The following KIF13A variants were observed in gnomAD, a reference collection of about 807,000 sequenced individuals.
The protein encoded by KIF13A is kinesin-like protein KIF13A.
In KIF13A, 79 loss-of-function variants were observed where a neutral mutation model predicts 212.2. That is an observed-to-expected ratio of 0.37 (90% CI 0.31 to 0.45). The LOEUF (loss-of-function observed/expected upper bound fraction) is 0.45, where lower values mean the gene tolerates loss of function less well. Ranked by LOEUF, KIF13A falls within the 20% of genes least tolerant of loss-of-function variation. The pLI, the probability that KIF13A is intolerant of heterozygous loss-of-function variation, is 1.00. For missense variants in KIF13A, 1,901 were observed against 2,209.0 expected, an observed-to-expected ratio of 0.86 and a Z score of 2.79; for synonymous variants, 789 against 808.6, an observed-to-expected ratio of 0.98 and a Z score of 0.41.
intron 19 of KIF13A, 121 bp downstream of exon 19, chr6:17,805,354 A>G: frequency 2.3e-6 from 2 of 863,792 alleles, no homozygotes. Context: ...TATCTAACGT[A>G]TCATGAGCAC....
chr6:17,923,273 CCTAA>C (rs1450219133), intron 2 of KIF13A, among the ~76,000 whole-genome samples: 5 of 80,530 alleles, frequency 6.2e-5, no homozygotes, highest in South Asian at 5.1e-4. Context: ...AAACACTGTC[CCTAA>C]ATAAATAAAT....
intron 25 of KIF13A, among the ~76,000 whole-genome samples, chr6:17,791,369 C>CTTTT (rs757391141): frequency 1.8e-4 from 24 of 135,758 alleles, no homozygotes; most frequent in African/African-American, 5.9e-4. Flanking sequence ...GAGAATAATT[C>CTTTT]TTTTTTTTTT....
Position 17,777,097 on chromosome 6 carries a change from G to A in KIF13A, c.4170+180C>T, listed in dbSNP as rs1053788133. Among the ~76,000 whole-genome samples, 4 of 152,144 alleles carry A rather than the reference G, an allele frequency of 2.6e-5. No individual in the cohort carries two copies. Among genetic ancestry groups the A allele is most frequent in the African/African-American group, 9.7e-5 (4 of 41,420 alleles). ...AGGAATTCATAAGATTGAACAAATG[G>A]CTCAGTCTTAGACAACTGTGCTGCC... On this transcript the variant is annotated intron_variant, in intron 34 of 38. Transcript: ENST00000259711. The surrounding 1 kb of genome is among the most constrained non-coding windows in gnomAD (Gnocchi z 4.4).
rs1441712233 is a variant in KIF13A, at chr6:17,769,389, C to G, written c.4581+1725G>C. Among the ~76,000 whole-genome samples the G allele has an allele frequency of 6.6e-6, 1 of 152,126 alleles. No individual in the cohort carries two copies. The highest frequency in any genetic ancestry group is 1.9e-4 in the East Asian group (1 of 5,188). ...TTTTCAAGTAAGACTCCAGCAAGAA[C>G]AATAACACCATCAAGTCCTTCTTAC... On this transcript the variant is annotated intron_variant, in intron 38 of 38. Transcript: ENST00000259711. The surrounding 1 kb of genome is among the most constrained non-coding windows in gnomAD (Gnocchi z 5.8).
intron 2 of KIF13A, among the ~76,000 whole-genome samples, chr6:17,955,436 C>T (rs1778270339): frequency 6.6e-6 from 1 of 152,242 alleles, no homozygotes; most frequent in Admixed American, 6.5e-5. Context: ...ACTTTTGCCA[C>T]TTCACACCAA....
intron 2 of KIF13A, among the ~76,000 whole-genome samples, chr6:17,985,178 G>A (rs895293782): frequency 8.5e-5 from 13 of 152,142 alleles, no homozygotes; most frequent in Non-Finnish European, 1.8e-4. Context: ...AATTAGATCC[G>A]TCAGAAGGAC....
At chr6:17,942,906 G>A (rs1166136543) in intron 2 of KIF13A, among the ~76,000 whole-genome samples, 1 of 152,114 alleles carries the variant, frequency 6.6e-6, no homozygotes, top group African/African-American at 2.4e-5. Flanking sequence ...TTGAGCCTGG[G>A]AGATGGAGGT....
intron 2 of KIF13A, among the ~76,000 whole-genome samples, chr6:17,958,881 T>C (rs942162486): frequency 3.2e-4 from 38 of 118,092 alleles, no homozygotes; most frequent in Middle Eastern, 4.5e-3. Flanking sequence ...TTTTTCTTTT[T>C]TTTTTTTTTT....
At chr6:17,920,009 A>G (rs1176678491) in intron 2 of KIF13A, among the ~76,000 whole-genome samples, 1 of 152,224 alleles carries the variant, frequency 6.6e-6, no homozygotes, top group Non-Finnish European at 1.5e-5. Context: ...TTTATTTTAG[A>G]TAAAGATTCT....
intron 16 of KIF13A, among the ~76,000 whole-genome samples, chr6:17,823,829 C>A (rs1383543244): frequency 2.0e-5 from 3 of 151,716 alleles, no homozygotes; most frequent in South Asian, 4.2e-4. Context: ...TCTCCAAATC[C>A]TGGCCTCAAG....
chr6:17,974,162 A>G (rs1447435809), intron 2 of KIF13A, among the ~76,000 whole-genome samples: 1 of 151,942 alleles, frequency 6.6e-6, no homozygotes, highest in African/African-American at 2.4e-5. Flanking sequence ...GCTCACTGCA[A>G]CCTCCACCTC....
chr6:17,798,018 A>G (rs1160321629), intron 22 of KIF13A, among the ~76,000 whole-genome samples: 3 of 152,356 alleles, frequency 2.0e-5, no homozygotes, highest in South Asian at 2.1e-4. Context: ...TTTTCTTTCC[A>G]TTAGTCTTTA....
At position 17,899,154 on chromosome 6, in the gene KIF13A, T is replaced by C. The variant is rs951487799; in HGVS notation, c.147-974A>G. Among the ~76,000 whole-genome samples the C allele has an allele frequency of 6.6e-6, 1 of 152,212 alleles. No homozygotes were observed. Among genetic ancestry groups the C allele is most frequent in the South Asian group, 2.1e-4 (1 of 4,836 alleles). ...GGAAACAGTTTTCAAGGCAATAAAA[T>C]GTCAGTTTGACTTGCTTTGTAAATA... On this transcript the variant is annotated intron_variant, in intron 2 of 38. Coordinates refer to ENST00000259711, the MANE Select transcript of KIF13A (RefSeq NM_022113.6). This position sits in a 1 kb window ranked among gnomAD's most constrained non-coding sequence, Gnocchi z 5.2.
At chr6:17,788,802 G>A (rs1046974602) in intron 26 of KIF13A, among the ~76,000 whole-genome samples, 1 of 152,120 alleles carries the variant, frequency 6.6e-6, no homozygotes, top group Non-Finnish European at 1.5e-5. Context: ...TCGGCTCACT[G>A]CAACCTCTGC....
rs1767382145 is a variant in KIF13A, at chr6:17,849,128, C to T, written c.830+249G>A. Among the ~76,000 whole-genome samples the T allele has an allele frequency of 6.6e-6, 1 of 152,170 alleles. No homozygotes were observed. Among genetic ancestry groups the T allele is most frequent in the African/African-American group, 2.4e-5 (1 of 41,436 alleles). ...ATGTTGGCCAGGCTGGTCTCAAACT[C>T]CTGACCTCAGGTGATCTGCCCGCCT... On this transcript the variant is annotated intron_variant, in intron 9 of 38. Transcript: ENST00000259711. The surrounding 1 kb of genome is among the most constrained non-coding windows in gnomAD (Gnocchi z 5.7).
chr6:17,974,899 C>T (rs1042162499), intron 2 of KIF13A, among the ~76,000 whole-genome samples: 1 of 152,234 alleles, frequency 6.6e-6, no homozygotes, highest in African/African-American at 2.4e-5. Flanking sequence ...TCAATGATCA[C>T]ATAGGGCTAC....
At position 17,816,482 on chromosome 6, in the gene KIF13A, G is replaced by A. The variant is rs1427491360; in HGVS notation, c.2000+538C>T. On this transcript the variant is annotated intron_variant, in intron 17 of 38. Transcript: ENST00000259711. The surrounding 1 kb of genome is among the most constrained non-coding windows in gnomAD (Gnocchi z 4.3). ...TTATAGGCATGCACCACCACGCCTG[G>A]GTAATTTTTACTTTTTGTAGAGACA... 2.0e-5 allele frequency among the ~76,000 whole-genome samples: 3 copies of A among 151,890 alleles called. No individual in the cohort carries two copies. Among genetic ancestry groups the A allele is most frequent in the Non-Finnish European group, 4.4e-5 (3 of 68,014 alleles).
At chr6:17,930,588 C>T (rs902276782) in intron 2 of KIF13A, among the ~76,000 whole-genome samples, 27 of 152,168 alleles carry the variant, frequency 1.8e-4, no homozygotes, top group African/African-American at 6.5e-4. Flanking sequence ...GCCAAATTAG[C>T]TGGGCAGGAT....
rs192787963 is a variant in KIF13A, at chr6:17,900,283, T to A, written c.147-2103A>T. On this transcript the variant is annotated intron_variant, in intron 2 of 38. Coordinates refer to ENST00000259711, the MANE Select transcript of KIF13A (RefSeq NM_022113.6). This position sits in a 1 kb window ranked among gnomAD's most constrained non-coding sequence, Gnocchi z 4.6. ...ACCACCACCAGCAGCAATGAACCAG[T>A]GCTGGTTTGTAGTCAGTAGTACGTT... is the stretch of plus-strand genomic sequence containing the variant. Among the ~76,000 whole-genome samples, 3 of 152,306 alleles carry A rather than the reference T, an allele frequency of 2.0e-5. No homozygotes were observed. Among genetic ancestry groups the A allele is most frequent in the African/African-American group, 4.8e-5 (2 of 41,576 alleles).
Sources: allele counts gnomAD v4.1 joint callset (sites outside exome capture counted in the v4.1 genomes callset), GRCh38; gene constraint gnomAD v4.1.1; non-coding constraint Gnocchi (gnomAD v3.1); transcripts MANE v1.5; gene names NCBI Gene and HGNC (gene_info 2026-07-23, HGNC 2026-07-21).